The following PDLIM5 variants were observed in gnomAD, a reference collection of about 807,000 sequenced individuals.
The protein encoded by PDLIM5 is PDZ and LIM domain protein 5.
Under a neutral mutation model 64.2 loss-of-function variants are expected in PDLIM5, and 34 were observed. The observed-to-expected ratio is 0.53, with a 90% CI of 0.40 to 0.71. PDLIM5 has a LOEUF of 0.71. Among genes scored for constraint, PDLIM5 ranks in the 30% least tolerant of loss-of-function variants. The probability of loss-of-function intolerance (pLI) is 0.00; values close to 1 mark genes in which losing one functional copy is unlikely to be tolerated. For missense variants in PDLIM5, 683 were observed against 733.6 expected (o/e 0.93, Z 0.80); for synonymous variants, 253 against 269.1 (o/e 0.94, Z 0.59).
intron 3 of PDLIM5, among the ~76,000 whole-genome samples, chr4:94,558,785 G>T (rs1733590539): frequency 6.7e-6 from 1 of 150,318 alleles, no homozygotes; most frequent in African/African-American, 2.4e-5. Context: ...CCATTTTTCT[G>T]TAAAATGAAC....
chr4:94,567,028 C>G (rs1734382181), intron 3 of PDLIM5, among the ~76,000 whole-genome samples: 2 of 152,228 alleles, frequency 1.3e-5, no homozygotes, highest in Admixed American at 1.3e-4. Flanking sequence ...GAGTCTCGCT[C>G]TGTCGCCCAG....
intron 5 of PDLIM5, among the ~76,000 whole-genome samples, chr4:94,576,285 TG>T (rs74969077): frequency 0.38 from 57,296 of 152,046 alleles, 12,176 homozygotes; most frequent in South Asian, 0.67. Context: ...ACTCATTTTT[TG>T]TAAGTCCCGA....
intron 7 of PDLIM5, among the ~76,000 whole-genome samples, chr4:94,615,337 C>T (rs978984146): frequency 6.5e-4 from 99 of 152,218 alleles, no homozygotes; most frequent in African/African-American, 2.3e-3. Flanking sequence ...AACGAATGTC[C>T]TGAATTAAAA....
intron 2 of PDLIM5, among the ~76,000 whole-genome samples, chr4:94,464,125 T>A (rs181263590): frequency 1.6e-4 from 25 of 152,310 alleles, no homozygotes; most frequent in African/African-American, 5.5e-4. Flanking sequence ...GCTGTAAATG[T>A]TAAATATGAT....
intron 2 of PDLIM5, among the ~76,000 whole-genome samples, chr4:94,474,646 A>T (rs1476596472): frequency 3.9e-5 from 6 of 152,052 alleles, no homozygotes; most frequent in Admixed American, 3.9e-4. Flanking sequence ...GACTATTTTT[A>T]TTAAAATTTT....
intron 2 of PDLIM5, among the ~76,000 whole-genome samples, chr4:94,483,019 G>A (rs766159586): frequency 3.0e-4 from 46 of 152,212 alleles, no homozygotes; most frequent in Non-Finnish European, 5.4e-4. Flanking sequence ...GAGGATGTTG[G>A]AACTCTGAAA....
chr4:94,454,702 G>A (rs986958489), intron 1 of PDLIM5, among the ~76,000 whole-genome samples: 1 of 152,218 alleles, frequency 6.6e-6, no homozygotes, highest in African/African-American at 2.4e-5. Context: ...TGATTGGAGA[G>A]AATAGTTTTG....
At position 94,655,832 on chromosome 4, in the gene PDLIM5, A is replaced by G. The variant is rs114672349; in HGVS notation, c.1464+1192A>G. 6.2e-3 allele frequency among the ~76,000 whole-genome samples: 951 copies of G among 152,282 alleles called. 7 individuals carry two copies. Among genetic ancestry groups the G allele is most frequent in the African/African-American group, 0.021 (886 of 41,564 alleles). On this transcript the variant is annotated intron_variant, in intron 10 of 12. Coordinates refer to ENST00000317968, the MANE Select transcript of PDLIM5 (RefSeq NM_006457.5). ...GCCAGAACTTCAATAGCTTGTCTAG[A>G]TTGTATTTTAGTTATTTGATTACCT... is the stretch of plus-strand genomic sequence containing the variant.
chr4:94,519,478 A>T (rs1266384725), intron 2 of PDLIM5, among the ~76,000 whole-genome samples: 1 of 152,228 alleles, frequency 6.6e-6, no homozygotes, highest in Non-Finnish European at 1.5e-5. Context: ...CAAATGGCAG[A>T]ACATGAATAT....
At chr4:94,542,364 G>T (rs1731897117) in intron 3 of PDLIM5, among the ~76,000 whole-genome samples, 1 of 148,000 alleles carries the variant, frequency 6.8e-6, no homozygotes, top group Non-Finnish European at 1.5e-5. Context: ...GTCCCTCTTT[G>T]CTCTCCAACA....
At chr4:94,483,081 A>C (rs113671759) in intron 2 of PDLIM5, among the ~76,000 whole-genome samples, 1,611 of 152,296 alleles carry the variant, frequency 0.011, 27 homozygotes, top group African/African-American at 0.037. Context: ...AGCATATATT[A>C]TTATGACAGA....
At chr4:94,599,564 A>G (rs1481821358) in intron 7 of PDLIM5, among the ~76,000 whole-genome samples, 1 of 152,204 alleles carries the variant, frequency 6.6e-6, no homozygotes, top group Non-Finnish European at 1.5e-5. Context: ...GCATGCTGAT[A>G]TATTCTAGGT....
chr4:94,631,435 T>G (rs960306662), intron 8 of PDLIM5, among the ~76,000 whole-genome samples: 4 of 152,180 alleles, frequency 2.6e-5, no homozygotes, highest in African/African-American at 9.7e-5. Context: ...GTTAAGAGAC[T>G]TCAAGGAAAA....
At chr4:94,543,166 C>T (rs528073396) in intron 3 of PDLIM5, among the ~76,000 whole-genome samples, 2 of 152,280 alleles carry the variant, frequency 1.3e-5, no homozygotes, top group Admixed American at 1.3e-4. Flanking sequence ...TTTAAAACAA[C>T]AGAAATTTAT....
intron 2 of PDLIM5, among the ~76,000 whole-genome samples, chr4:94,505,570 C>A (rs1490915529): frequency 6.6e-6 from 1 of 152,132 alleles, no homozygotes. Context: ...CTGGAAGTCA[C>A]CTATATTTCT....
intron 2 of PDLIM5, among the ~76,000 whole-genome samples, chr4:94,487,069 G>A (rs1726408796): frequency 6.6e-6 from 1 of 152,118 alleles, no homozygotes; most frequent in African/African-American, 2.4e-5. Flanking sequence ...ATAGAAGGAA[G>A]GGAGTCTGTG....
intron 2 of PDLIM5, among the ~76,000 whole-genome samples, chr4:94,469,866 G>A (rs1724693256): frequency 6.7e-6 from 1 of 150,200 alleles, no homozygotes; most frequent in Non-Finnish European, 1.5e-5. Context: ...ATATATGTTT[G>A]TCTTGAAAAT....
In PDLIM5 at chr4:94,494,978, G is replaced by C. The variant is rs368033087; in HGVS notation, c.97-28746G>C. 3.0e-4 allele frequency among the ~76,000 whole-genome samples: 46 copies of C among 151,380 alleles called. 1 individual carries two copies. Among genetic ancestry groups the C allele is most frequent in the African/African-American group, 1.1e-3 (46 of 41,236 alleles). On this transcript the variant is annotated intron_variant, in intron 2 of 12. Coordinates refer to ENST00000317968, the MANE Select transcript of PDLIM5 (RefSeq NM_006457.5). Reference sequence around the variant, plus strand: ...TTGCCCAGGCTGGTCTTGAACTCCTGAGCAATCCACCCACCTTGGCCTCCG... The same window carrying C: ...TTGCCCAGGCTGGTCTTGAACTCCTCAGCAATCCACCCACCTTGGCCTCCG...
intron 8 of PDLIM5, among the ~76,000 whole-genome samples, chr4:94,625,809 A>G (rs1490477997): frequency 6.6e-6 from 1 of 152,130 alleles, no homozygotes; most frequent in East Asian, 1.9e-4. Flanking sequence ...CAGTTTCTCT[A>G]TGCTCTTGTT....
Sources: gnomAD v4.1 joint callset for allele counts (sites outside exome capture counted in the v4.1 genomes callset) on GRCh38, gnomAD v4.1.1 for gene constraint, MANE v1.5 for transcripts, NCBI Gene and HGNC (gene_info 2026-07-23, HGNC 2026-07-21) for gene names.